The following WRAP53 variants were observed in gnomAD, a reference collection of about 807,000 sequenced individuals.
WRAP53 encodes the protein telomerase Cajal body protein 1.
In WRAP53, 28 loss-of-function variants were observed where a neutral mutation model predicts 56.6. The observed-to-expected ratio is 0.50, with a 90% CI of 0.37 to 0.68. The LOEUF is 0.68. WRAP53 is among the 30% of genes least tolerant of loss of function. WRAP53 has a pLI of 0.00. For missense variants in WRAP53, 671 were observed against 715.5 expected (o/e 0.94, Z 0.71); for synonymous variants, 283 against 283.4 (o/e 1.00, Z 0.01).
intron 4 of WRAP53, among the ~76,000 whole-genome samples, chr17:7,699,488 A>ATT (rs2074237905): frequency 9.2e-4 from 13 of 14,140 alleles, no homozygotes; most frequent in Non-Finnish European, 8.1e-4. Context: ...ATATATATAT[A>ATT]TATATATATA....
intron 4 of WRAP53, among the ~76,000 whole-genome samples, chr17:7,698,604 G>A (rs995920814): frequency 6.6e-6 from 1 of 152,066 alleles, no homozygotes; most frequent in African/African-American, 2.4e-5. Flanking sequence ...CAGGCTGGGC[G>A]TGGTGTCTCA....
At position 7,688,759 on chromosome 17, in the gene WRAP53, C is replaced by T. The variant is rs763023897; in HGVS notation, c.111C>T (p.Asp37=). 42 of 1,614,056 alleles carry T rather than the reference C, an allele frequency of 2.6e-5. No homozygotes were observed. The highest frequency in any genetic ancestry group is 3.4e-5 in the Non-Finnish European group (40 of 1,180,056). Residue 37 remains aspartate (D), a synonymous_variant, in exon 2 of 11, where the codon GAC becomes GAT. Coordinates refer to ENST00000396463, the MANE Select transcript of WRAP53 (RefSeq NM_001143992.2). ...PHASPMNKNA[D]SELMPPPPER... is the part of the protein sequence containing the mutation. ...CTTCCCCGATGAATAAAAATGCGGA[C>T]TCTGAACTGATGCCACCGCCTCCCG...
At chr17:7,699,323 A>G (rs2074226501) in intron 4 of WRAP53, among the ~76,000 whole-genome samples, 1 of 150,040 alleles carries the variant, frequency 6.7e-6, no homozygotes, top group Non-Finnish European at 1.5e-5. Flanking sequence ...CGGGAGGCTG[A>G]GACACAAGAA....
intron 4 of WRAP53, among the ~76,000 whole-genome samples, chr17:7,694,242 C>A (rs1234355413): frequency 8.2e-6 from 1 of 122,618 alleles, no homozygotes; most frequent in Non-Finnish European, 1.6e-5. Flanking sequence ...TTTTTTCTTT[C>A]TTTTTTTTTT....
intron 10 of WRAP53, 42 bp downstream of exon 10, chr17:7,703,169 G>GA: frequency 1.9e-6 from 3 of 1,613,716 alleles, no homozygotes. Flanking sequence ...TTGGGTTGGG[G>GA]AGGGAGGTGA....
Position 7,688,822 on chromosome 17 carries a change from G to A in WRAP53, c.174G>A (p.Val58=). Residue 58 remains valine, a synonymous_variant, in exon 2 of 11, where the codon GTG becomes GTA. Coordinates refer to ENST00000396463, the MANE Select transcript of WRAP53 (RefSeq NM_001143992.2). ...CGCCCCGGTTGTCCCCAGATCCTGT[G>A]GCTGGCTCAGCTGTGTCCCAGGAGC... ...GDPPRLSPDP[V]AGSAVSQELR... 1 of 1,614,216 alleles carries A rather than the reference G, an allele frequency of 6.2e-7. No individual in the cohort carries two copies. The highest frequency in any genetic ancestry group is 1.1e-5 in the South Asian group (1 of 91,086).
At chr17:7,697,521 T>C (rs2074202798) in intron 4 of WRAP53, among the ~76,000 whole-genome samples, 1 of 151,640 alleles carries the variant, frequency 6.6e-6, no homozygotes, top group Non-Finnish European at 1.5e-5. Context: ...TAGCCGGGCG[T>C]GGTGGCAAAT....
upstream of WRAP53, chr17:7,687,520 G>A (rs1269379744): frequency 2.5e-6 from 1 of 398,582 alleles, no homozygotes; most frequent in Non-Finnish European, 4.4e-6. Context: ...CCAGTCTTGA[G>A]CACATGGGAG....
In WRAP53 at chr17:7,700,835, T is replaced by C; in HGVS notation, c.731+6T>C. ...GCCCAGCCAGACACCTCCTAGTAAG[T>C]AATGTTTGCCTCCCTGCTCGCCGCC... is the stretch of plus-strand genomic sequence containing the variant. On this transcript the variant is annotated splice_donor_region_variant and intron_variant, in intron 5 of 10. Coordinates refer to ENST00000396463, the MANE Select transcript of WRAP53 (RefSeq NM_001143992.2). 1.2e-6 allele frequency: 2 copies of C among 1,606,434 alleles called. No individual in the cohort carries two copies. Among genetic ancestry groups the C allele is most frequent in the East Asian group, 2.2e-5 (1 of 44,784 alleles).
At position 7,688,662 on chromosome 17, in the gene WRAP53, A is replaced by G. The variant is rs752687945; in HGVS notation, c.14A>G (p.Glu5Gly). ...TTCCTCTGCAGTATGAAGACTTTGG[A>G]GACTCAACCGTTAGCTCCGGACTGC... is the stretch of plus-strand genomic sequence containing the variant. MKTL[E>G]TQPLAPDCCP... is the part of the protein sequence containing the mutation. Residue 5 changes from glutamate (E) to glycine (G), a missense_variant, in exon 2 of 11, where the codon GAG becomes GGG. Glu to Gly is a moderately conservative substitution (Grantham distance 98). Around this residue, in one of 3 missense-constraint regions of WRAP53, gnomAD observed 406 missense variants for 418.5 expected, o/e 0.97. Transcript: ENST00000396463. 32 of 1,614,172 alleles carry G rather than the reference A, an allele frequency of 2.0e-5. No homozygotes were observed. Among genetic ancestry groups the G allele is most frequent in the Non-Finnish European group, 2.6e-5 (31 of 1,180,034 alleles).
At chr17:7,700,860 C>T (rs756347392) in intron 5 of WRAP53, 31 bp downstream of exon 5, 9 of 1,528,950 alleles carry the variant, frequency 5.9e-6, no homozygotes, top group South Asian at 1.1e-5. Context: ...TGCTCGCCGC[C>T]CCACCACCCA....
intron 4 of WRAP53, among the ~76,000 whole-genome samples, chr17:7,691,389 G>C (rs944438842): frequency 2.1e-5 from 3 of 145,138 alleles, no homozygotes; most frequent in Non-Finnish European, 3.0e-5. Flanking sequence ...TCATGAGAGA[G>C]GTGTTTTTTT....
At chr17:7,698,963 A>G (rs2074222092) in intron 4 of WRAP53, among the ~76,000 whole-genome samples, 1 of 151,092 alleles carries the variant, frequency 6.6e-6, no homozygotes, top group Non-Finnish European at 1.5e-5. Flanking sequence ...GGCTGAGGCC[A>G]GGGGATTGTT....
chr17:7,688,196 G>GT (rs199831002), upstream of WRAP53: 1 of 185,216 alleles, frequency 5.4e-6, no homozygotes, highest in South Asian at 9.9e-5. Flanking sequence ...CAGGCGGCGG[G>GT]GGGGCGGTGC....
chr17:7,692,643 G>GATTGGCTAT (rs2074128030), intron 4 of WRAP53, among the ~76,000 whole-genome samples: 1 of 113,502 alleles, frequency 8.8e-6, no homozygotes, highest in Admixed American at 9.1e-5. Flanking sequence ...AAAAAAAAAA[G>GATTGGCTAT]ATTGGCTATA....
Position 7,703,351 on chromosome 17 carries a change from C to T in WRAP53, c.1512C>T (p.Ser504=). ...EGEELGLPLL[S]TRHVHLECRL... ...AGGAGCTGGGCCTTCCCTTGCTCTCCACGCGCCACGTCCACCTTGAATGTC... is the reference window on the plus strand; with the variant it reads ...AGGAGCTGGGCCTTCCCTTGCTCTCTACGCGCCACGTCCACCTTGAATGTC... The change falls in exon 11 of 11, where the codon TCC becomes TCT. Residue 504 remains serine (S), a synonymous_variant. Transcript: ENST00000396463. 1 of 1,613,990 alleles carries T rather than the reference C, an allele frequency of 6.2e-7. No individual in the cohort carries two copies. Among genetic ancestry groups the T allele is most frequent in the Admixed American group, 1.7e-5 (1 of 60,010 alleles).
chr17:7,687,183 A>G, upstream of WRAP53: 1 of 397,424 alleles, frequency 2.5e-6, no homozygotes, highest in Non-Finnish European at 4.4e-6. Context: ...CATCCCCATC[A>G]TCTACACCCA....
At position 7,702,979 on chromosome 17, in the gene WRAP53, C is replaced by CCT; in HGVS notation, c.1269-6_1269-5dup. ...GTGAGGCCTCTGCCAGCAAATCTCT[C>CCT]CTCTCTCTCGCAGGACCGGGCAGTT... is the stretch of plus-strand genomic sequence containing the variant. On this transcript the variant is annotated splice_polypyrimidine_tract_variant and intron_variant, in intron 9 of 10. Transcript: ENST00000396463. This position sits in a 1 kb window ranked among gnomAD's most constrained non-coding sequence, Gnocchi z 5.0. The CCT allele has an allele frequency of 6.2e-7, 1 of 1,613,640 alleles. No homozygotes were observed.
upstream of WRAP53, chr17:7,687,206 A>G (rs1263871752): frequency 1.5e-5 from 6 of 397,462 alleles, no homozygotes; most frequent in African/African-American, 6.2e-5. Context: ...TCTCCCAACA[A>G]TGCAACTCCT....
Sources: allele counts gnomAD v4.1 joint callset (sites outside exome capture counted in the v4.1 genomes callset), GRCh38; gene constraint gnomAD v4.1.1; regional missense constraint gnomAD v4.1.1; non-coding constraint Gnocchi (gnomAD v3.1); transcripts MANE v1.5; gene names NCBI Gene and HGNC (gene_info 2026-07-23, HGNC 2026-07-21).